RAD9B: variants seen among roughly 807,000 people sequenced by gnomAD.
The protein encoded by RAD9B is cell cycle checkpoint control protein RAD9B.
RAD9B carries 41 observed loss-of-function variants against 48.3 expected under a neutral mutation model. The observed-to-expected ratio is 0.85, with a 90% CI of 0.66 to 1.10. The LOEUF is 1.10. Ranked by LOEUF, RAD9B falls within the 50% of genes least tolerant of loss-of-function variation. The pLI, the probability that RAD9B is intolerant of heterozygous loss-of-function variation, is 0.00. For synonymous variants in RAD9B, 160 were observed against 157.9 expected (o/e 1.01, Z -0.10); for missense variants, 444 against 485.1 (o/e 0.92, Z 0.80).
chr12:110,529,684 C>T (rs893994002), intron 10 of RAD9B, among the ~76,000 whole-genome samples: 1 of 152,016 alleles, frequency 6.6e-6, no homozygotes, highest in South Asian at 2.1e-4. Context: ...TTTGAGGCTG[C>T]GGTGAGACGT....
At chr12:110,503,737 C>A in intron 1 of RAD9B, 69 bp from the exon 2 acceptor site, 1 of 1,082,452 alleles carries the variant, frequency 9.2e-7, no homozygotes, top group South Asian at 1.3e-5. Context: ...GAATGCTGAA[C>A]TAGTCTTGTG....
chr12:110,517,872 A>G (rs1422325152), intron 6 of RAD9B, among the ~76,000 whole-genome samples: 1 of 151,980 alleles, frequency 6.6e-6, no homozygotes. Flanking sequence ...ATGAAATGGT[A>G]TGTAGGGTAA....
chr12:110,504,268 A>G lies in RAD9B; in HGVS notation c.117+392A>G, dbSNP rs548105651. On this transcript the variant is annotated intron_variant, in intron 2 of 10. Coordinates refer to ENST00000409300, the MANE Select transcript of RAD9B (RefSeq NM_001286535.2). ...TGGATCACCTGAGGTCAGGAGTTCG[A>G]GACTAGCCTGGTCCACATGGTGAAA... Among the ~76,000 whole-genome samples the G allele has an allele frequency of 8.6e-5, 13 of 151,956 alleles. No homozygotes were observed. The South Asian group carries it at 1.9e-3, about 22-fold the overall frequency.
At chr12:110,507,438 AATATAAT>A (rs1166443913) in intron 4 of RAD9B, among the ~76,000 whole-genome samples, 1 of 140,352 alleles carries the variant, frequency 7.1e-6, no homozygotes, top group African/African-American at 2.6e-5. Context: ...ATATGTATTA[AATATAAT>A]ATATAACACG....
At chr12:110,528,735 T>A (rs1214694683) in intron 10 of RAD9B, among the ~76,000 whole-genome samples, 1 of 152,112 alleles carries the variant, frequency 6.6e-6, no homozygotes, top group Non-Finnish European at 1.5e-5. Flanking sequence ...TTTTTTGTTG[T>A]TTTTGTTTGT....
rs140572760 is a variant in RAD9B, at chr12:110,527,273, T to C, written c.1126-3252T>C. On this transcript the variant is annotated intron_variant, in intron 10 of 10. Coordinates refer to ENST00000409300, the MANE Select transcript of RAD9B (RefSeq NM_001286535.2). The stretch of plus-strand genomic sequence containing the variant: ...TTAAGTCTTCTGTCTCCCTCTTCCA[T>C]TTCTATGGATCGCTGTGATTACATT... Among the ~76,000 whole-genome samples, 177 of 152,168 alleles carry C rather than the reference T, an allele frequency of 1.2e-3. 3 individuals carry two copies. In the East Asian group the frequency reaches 0.032, roughly 27 times the overall value.
rs1207859158 is a variant in RAD9B at position 110,505,779 on chromosome 12, A to T, written c.273+7A>T. ...ATGCAAATTGGGAATGAAGGTAAATATAAGTGGCCCTGGTTTTCTCTTATT... is the reference window on the plus strand; with the variant it reads ...ATGCAAATTGGGAATGAAGGTAAATTTAAGTGGCCCTGGTTTTCTCTTATT... On this transcript the variant is annotated splice_region_variant and intron_variant, in intron 3 of 10. Transcript: ENST00000409300. 6.2e-7 allele frequency: 1 copy of T among 1,610,490 alleles called. No individual in the cohort carries two copies. The highest frequency in any genetic ancestry group is 2.2e-5 in the East Asian group (1 of 44,836).
At chr12:110,524,738 G>A (rs1049219127) in intron 10 of RAD9B, among the ~76,000 whole-genome samples, 1 of 151,498 alleles carries the variant, frequency 6.6e-6, no homozygotes, top group African/African-American at 2.4e-5. Flanking sequence ...CGTCTCTACT[G>A]CGAATACAAA....
rs751324845 is a variant in RAD9B at position 110,531,095 on chromosome 12, T to C, written c.*442T>C. The C allele has an allele frequency of 3.2e-5, 32 of 996,286 alleles. No homozygotes were observed. The highest frequency in any genetic ancestry group is 3.8e-5 in the Non-Finnish European group (32 of 837,092). 61.7% of individuals were successfully genotyped at this position (996,286 alleles called of 1,614,324 possible). ...AAACATTTGGATTTTAGTTTTCTCA[T>C]GTAATACCATGGCCTTTTTTGTGCA... is the stretch of plus-strand genomic sequence containing the variant. On this transcript the variant is annotated 3_prime_UTR_variant, in exon 11 of 11. Coordinates refer to ENST00000409300, the MANE Select transcript of RAD9B (RefSeq NM_001286535.2).
intron 1 of RAD9B, 62 bp from the exon 2 acceptor site, chr12:110,503,739 AGTCTT>A: frequency 9.2e-7 from 1 of 1,091,016 alleles, no homozygotes; most frequent in Non-Finnish European, 1.4e-6. Context: ...ATGCTGAACT[AGTCTT>A]GTGATTTGTT....
chr12:110,520,178 A>G (rs1280683999), intron 9 of RAD9B, among the ~76,000 whole-genome samples: 1 of 151,614 alleles, frequency 6.6e-6, no homozygotes, highest in Non-Finnish European at 1.5e-5. Context: ...CCAGAACTCA[A>G]TTCCAATTTT....
At chr12:110,517,302 C>T (rs996008696) in intron 6 of RAD9B, among the ~76,000 whole-genome samples, 2 of 152,062 alleles carry the variant, frequency 1.3e-5, no homozygotes, top group African/African-American at 4.8e-5. Flanking sequence ...GTATTACAGC[C>T]TGGGCAACAG....
intron 6 of RAD9B, among the ~76,000 whole-genome samples, chr12:110,517,786 ACAC>A (rs2063652068): frequency 6.0e-5 from 9 of 150,512 alleles, no homozygotes; most frequent in Admixed American, 4.0e-4. Context: ...ACACACACAC[ACAC>A]AAATAATTAT....
chr12:110,515,449 T>G (rs1333251802), intron 6 of RAD9B, among the ~76,000 whole-genome samples: 7 of 151,998 alleles, frequency 4.6e-5, no homozygotes, highest in Admixed American at 4.6e-4. Context: ...TTACCTGAGG[T>G]CGGGAGTTCG....
chr12:110,506,494 G>T, intron 3 of RAD9B, 85 bp from the exon 4 acceptor site: 2 of 755,460 alleles, frequency 2.6e-6, no homozygotes, highest in Non-Finnish European at 4.7e-6. Flanking sequence ...GGCCAAGTCT[G>T]TTCATTTATG....
chr12:110,514,224 T>C (rs1593067971), intron 5 of RAD9B, among the ~76,000 whole-genome samples: 1 of 152,204 alleles, frequency 6.6e-6, no homozygotes, highest in Non-Finnish European at 1.5e-5. Flanking sequence ...GAAACACCGT[T>C]AAACCAATGT....
At chr12:110,505,039 C>T (rs980379261) in intron 2 of RAD9B, among the ~76,000 whole-genome samples, 7 of 151,802 alleles carry the variant, frequency 4.6e-5, no homozygotes, top group Admixed American at 1.3e-4. Context: ...AAGTTAAGGC[C>T]CCTGTAGGCA....
At chr12:110,504,507 A>G (rs2063202572) in intron 2 of RAD9B, among the ~76,000 whole-genome samples, 1 of 151,704 alleles carries the variant, frequency 6.6e-6, no homozygotes, top group South Asian at 2.1e-4. Flanking sequence ...AATTGAGTCA[A>G]ATTTTTCCTG....
At chr12:110,507,481 A>T (rs1158620164) in intron 4 of RAD9B, among the ~76,000 whole-genome samples, 6 of 12,128 alleles carry the variant, frequency 4.9e-4, no homozygotes, top group African/African-American at 7.6e-4. Context: ...ATATGTATTA[A>T]ATATAATACA....
Sources: allele counts gnomAD v4.1 joint callset (sites outside exome capture counted in the v4.1 genomes callset), GRCh38; gene constraint gnomAD v4.1.1; transcripts MANE v1.5; gene names NCBI Gene and HGNC (gene_info 2026-07-23, HGNC 2026-07-21).